TM4SF5: variants seen among roughly 807,000 people sequenced by gnomAD.
TM4SF5 encodes the protein transmembrane 4 L six family member 5.
TM4SF5 carries 16 observed loss-of-function variants against 22.3 expected under a neutral mutation model. That is an observed-to-expected ratio of 0.72 (90% confidence interval 0.49 to 1.09). The LOEUF is 1.09. Ranked by LOEUF, TM4SF5 falls within the 50% of genes least tolerant of loss-of-function variation. TM4SF5 has a pLI of 0.00. For missense variants in TM4SF5, 249 were observed against 266.1 expected, an observed-to-expected ratio of 0.94 and a Z score of 0.45; for synonymous variants, 113 against 109.6, an observed-to-expected ratio of 1.03 and a Z score of -0.19.
intron 1 of TM4SF5, among the ~76,000 whole-genome samples, chr17:4,780,572 T>C (rs79571386): frequency 0.06 from 9,204 of 152,168 alleles, 366 homozygotes; most frequent in East Asian, 0.098. Context: ...GGCCCTACCC[T>C]CTAGAGGCCA....
intron 1 of TM4SF5, among the ~76,000 whole-genome samples, chr17:4,778,412 C>T (rs1034463260): frequency 3.4e-4 from 51 of 151,840 alleles, no homozygotes; most frequent in African/African-American, 4.6e-4. Context: ...CCCAGGAGTT[C>T]GAGATCAGCT....
rs573134543 is a variant in TM4SF5, at chr17:4,783,206, G to A, written c.*78G>A. On this transcript the variant is annotated 3_prime_UTR_variant, in exon 5 of 5. Coordinates refer to ENST00000270560, the MANE Select transcript of TM4SF5 (RefSeq NM_003963.3). The stretch of plus-strand genomic sequence containing the variant: ...TGCTCGCTAGAATAAACTGCTTTGC[G>A]CTCTCTTCTCTGTCTGAGATTGTGC... 4 of 1,591,032 alleles carry A rather than the reference G, an allele frequency of 2.5e-6. No individual in the cohort carries two copies. The highest frequency in any genetic ancestry group is 1.1e-5 in the South Asian group (1 of 89,968).
At chr17:4,778,782 G>A (rs1475597076) in intron 1 of TM4SF5, among the ~76,000 whole-genome samples, 2 of 152,130 alleles carry the variant, frequency 1.3e-5, no homozygotes, top group Non-Finnish European at 2.9e-5. Flanking sequence ...TCTTGGCCAG[G>A]CGCGGTGGCT....
chr17:4,780,020 G>T (rs1311246331), intron 1 of TM4SF5, among the ~76,000 whole-genome samples: 1 of 150,782 alleles, frequency 6.6e-6, no homozygotes, highest in Non-Finnish European at 1.5e-5. Context: ...GCTGCTGAGG[G>T]AACTTATAAA....
At chr17:4,781,404 A>T (rs1917308743) in intron 2 of TM4SF5, among the ~76,000 whole-genome samples, 5 of 151,988 alleles carry the variant, frequency 3.3e-5, no homozygotes, top group Admixed American at 3.3e-4. Context: ...GCTACTCAGG[A>T]GGCTGAGGCA....
At chr17:4,780,237 C>T (rs1472308263) in intron 1 of TM4SF5, among the ~76,000 whole-genome samples, 16 of 151,804 alleles carry the variant, frequency 1.1e-4, no homozygotes, top group Non-Finnish European at 2.9e-5. Context: ...GTATTTTTAG[C>T]AGAGTTGGGG....
At chr17:4,774,658 A>G (rs778939535) in intron 1 of TM4SF5, among the ~76,000 whole-genome samples, 16 of 152,230 alleles carry the variant, frequency 1.1e-4, no homozygotes, top group Admixed American at 2.0e-4. Context: ...CTGTAATCCC[A>G]GCACTTTGGG....
At chr17:4,778,575 C>G (rs898792817) in intron 1 of TM4SF5, among the ~76,000 whole-genome samples, 2 of 152,048 alleles carry the variant, frequency 1.3e-5, no homozygotes, top group African/African-American at 4.8e-5. Flanking sequence ...CCACTGCATT[C>G]CAGCCTGGAT....
intron 1 of TM4SF5, among the ~76,000 whole-genome samples, chr17:4,775,861 C>CT (rs113667370): frequency 1.3e-5 from 2 of 151,780 alleles, no homozygotes; most frequent in African/African-American, 2.4e-5. Context: ...ATGTGTCTGG[C>CT]TTTTTTTTGA....
chr17:4,775,203 C>G (rs1917183288), intron 1 of TM4SF5, among the ~76,000 whole-genome samples: 1 of 151,836 alleles, frequency 6.6e-6, no homozygotes, highest in Admixed American at 6.6e-5. Context: ...CCCTGAAAAG[C>G]CACAGTGGAG....
intron 1 of TM4SF5, among the ~76,000 whole-genome samples, chr17:4,772,848 G>A (rs1917139351): frequency 6.6e-6 from 1 of 151,238 alleles, no homozygotes; most frequent in Non-Finnish European, 1.5e-5. Flanking sequence ...CCGAGCAGCT[G>A]GAACCACAGG....
intron 2 of TM4SF5, 114 bp from the exon 3 acceptor site, chr17:4,782,389 C>A: frequency 7.5e-7 from 1 of 1,341,596 alleles, no homozygotes; most frequent in Non-Finnish European, 1.0e-6. Context: ...TTAAAAAATA[C>A]ATTTTAACAA....
At chr17:4,772,516 C>T (rs1020828241) in intron 1 of TM4SF5, among the ~76,000 whole-genome samples, 1 of 152,118 alleles carries the variant, frequency 6.6e-6, no homozygotes, top group Non-Finnish European at 1.5e-5. Context: ...GGACTGCCCT[C>T]ACGGATCAGT....
intron 1 of TM4SF5, among the ~76,000 whole-genome samples, chr17:4,772,775 G>A (rs1357907879): frequency 2.6e-5 from 4 of 151,446 alleles, no homozygotes; most frequent in Non-Finnish European, 4.4e-5. Context: ...GAGTGTGGTG[G>A]TGCGAACATG....
Position 4,782,959 on chromosome 17 carries a change from C to A in TM4SF5, c.501C>A (p.Cys167Ter). 1 of 1,614,246 alleles carries A rather than the reference C, an allele frequency of 6.2e-7. No individual in the cohort carries two copies. Among genetic ancestry groups the A allele is most frequent in the Non-Finnish European group, 8.5e-7 (1 of 1,180,046 alleles). ...TCTCGCTGCTGGTGGCCGCCTCCTG[C>A]CTGGAGATAGTACTGTGTGGGATCC... Reference protein sequence around the residue: ...TLFSLLVAASCLEIVLCGIQL... With the variant: ...TLFSLLVAAS The change falls in exon 4 of 5, where the codon TGC becomes TGA. Residue 167 changes from cysteine (C) to a stop codon, truncating the protein, a stop_gained. Transcript: ENST00000270560. LOFTEE classifies it high-confidence loss of function.
At chr17:4,773,873 T>C (rs1157302539) in intron 1 of TM4SF5, among the ~76,000 whole-genome samples, 1 of 152,104 alleles carries the variant, frequency 6.6e-6, no homozygotes, top group Non-Finnish European at 1.5e-5. Flanking sequence ...TCCCCAAATA[T>C]GCATTCACAG....
chr17:4,775,303 G>A (rs531836258), intron 1 of TM4SF5, among the ~76,000 whole-genome samples: 52 of 151,638 alleles, frequency 3.4e-4, no homozygotes, highest in Non-Finnish European at 6.0e-4. Context: ...GTGTCGCCCG[G>A]GCTGCAGTGC....
intron 1 of TM4SF5, among the ~76,000 whole-genome samples, chr17:4,774,137 G>A (rs899349931): frequency 1.3e-5 from 2 of 152,098 alleles, no homozygotes; most frequent in Non-Finnish European, 2.9e-5. Context: ...AGGAGAACCC[G>A]GGAGGCAGAG....
intron 1 of TM4SF5, among the ~76,000 whole-genome samples, chr17:4,776,322 A>G (rs770616943): frequency 1.7e-4 from 26 of 149,894 alleles, no homozygotes; most frequent in Non-Finnish European, 3.4e-4. Context: ...TTTTTTTTGA[A>G]ACAGAGTCTC....
Sources: gnomAD v4.1 joint callset for allele counts (sites outside exome capture counted in the v4.1 genomes callset) on GRCh38, gnomAD v4.1.1 for gene constraint, MANE v1.5 for transcripts, NCBI Gene and HGNC (gene_info 2026-07-23, HGNC 2026-07-21) for gene names.